The following FILIP1L variants were observed in gnomAD, a reference collection of about 807,000 sequenced individuals.
The protein encoded by FILIP1L is filamin A-interacting protein 1-like.
A neutral mutation model predicts 96.6 loss-of-function variants in FILIP1L; 55 were observed. The ratio of observed to expected loss-of-function variants is 0.57; its 90% CI spans 0.46 to 0.71. The LOEUF (loss-of-function observed/expected upper bound fraction) is 0.71. Among genes scored for constraint, FILIP1L ranks in the 30% least tolerant of loss-of-function variants. FILIP1L has a pLI of 0.00. For missense variants in FILIP1L, 1,304 were observed against 1,321.2 expected (o/e 0.99, Z 0.20); for synonymous variants, 467 against 473.9 (o/e 0.99, Z 0.19).
chr3:99,870,803 G>A (rs915187824), intron 4 of FILIP1L, among the ~76,000 whole-genome samples: 7 of 152,186 alleles, frequency 4.6e-5, no homozygotes, highest in Non-Finnish European at 8.8e-5. Flanking sequence ...GTACATGCTT[G>A]GGAAAAGGCA....
chr3:99,907,087 T>C (rs1294070594), intron 4 of FILIP1L, among the ~76,000 whole-genome samples: 1 of 152,208 alleles, frequency 6.6e-6, no homozygotes. Flanking sequence ...CTTACTGTTA[T>C]TTAGACTTCA....
At chr3:99,973,714 TCAAAAA>T (rs1391963435) in intron 1 of FILIP1L, among the ~76,000 whole-genome samples, 1 of 152,166 alleles carries the variant, frequency 6.6e-6, no homozygotes, top group African/African-American at 2.4e-5. Context: ...GGATCTGCAC[TCAAAAA>T]CCTATTTAAG....
chr3:99,876,125 CCGCGCTGCGAGCCGACTGTG>C, intron 4 of FILIP1L: 1 of 986,362 alleles, frequency 1.0e-6, no homozygotes, highest in Non-Finnish European at 1.2e-6. Context: ...CGCTGTAGTG[CCGCGCTGCGAGCCGACTGTG>C]CGCGCTCCGA....
At chr3:100,069,913 A>T (rs1216311976) in intron 1 of FILIP1L, among the ~76,000 whole-genome samples, 1 of 152,230 alleles carries the variant, frequency 6.6e-6, no homozygotes, top group African/African-American at 2.4e-5. Context: ...GAAACTTAAA[A>T]AAAGAAAATC....
intron 4 of FILIP1L, among the ~76,000 whole-genome samples, chr3:99,862,291 G>A (rs902269240): frequency 6.6e-6 from 1 of 152,182 alleles, no homozygotes; most frequent in African/African-American, 2.4e-5. Context: ...AGACAACACA[G>A]TGAGACAACG....
At chr3:100,032,450 A>T (rs1358054894) in intron 1 of FILIP1L, among the ~76,000 whole-genome samples, 1 of 152,200 alleles carries the variant, frequency 6.6e-6, no homozygotes, top group Non-Finnish European at 1.5e-5. Flanking sequence ...TTTATTCGGA[A>T]TGGCAGCTGG....
chr3:100,025,448 C>G (rs1017387485), intron 1 of FILIP1L: 2 of 152,078 alleles, frequency 1.3e-5, no homozygotes, highest in African/African-American at 2.4e-5. Flanking sequence ...CTTCCCCACC[C>G]ACTTTCAGAA....
intron 4 of FILIP1L, among the ~76,000 whole-genome samples, chr3:99,903,888 A>G (rs773509523): frequency 1.3e-5 from 2 of 152,314 alleles, no homozygotes; most frequent in Non-Finnish European, 2.9e-5. Context: ...GCTTCATTTA[A>G]TGGTACTCAT....
chr3:99,974,348 G>A (rs1040953146), intron 1 of FILIP1L, among the ~76,000 whole-genome samples: 1 of 152,172 alleles, frequency 6.6e-6, no homozygotes, highest in Non-Finnish European at 1.5e-5. Flanking sequence ...TGTAAGTTTA[G>A]TAAAGCCCAT....
At chr3:100,112,084 A>C (rs2066501107) in intron 1 of FILIP1L, among the ~76,000 whole-genome samples, 1 of 152,226 alleles carries the variant, frequency 6.6e-6, no homozygotes, top group Admixed American at 6.5e-5. Flanking sequence ...ACAAATGAGC[A>C]AACAAACTAA....
In FILIP1L at chr3:99,930,088, T is replaced by TGA. The variant is rs1707429626; in HGVS notation, c.253-61_253-60dup. On this transcript the variant is annotated intron_variant, in intron 2 of 5. Coordinates refer to ENST00000477258, the MANE Select transcript of FILIP1L (RefSeq NM_001387850.1). ...TGTCTCTACCAGCAGTCTCAGCAAG[T>TGA]GATTTTTGTGATAGTTGGCAGTGCT... 8 of 1,380,302 alleles carry TGA rather than the reference T, an allele frequency of 5.8e-6. No individual in the cohort carries two copies. The South Asian group carries it at 8.7e-5, about 15-fold the overall frequency. 85.5% of individuals were successfully genotyped at this position (1,380,302 alleles called of 1,614,324 possible). A position where few individuals can be genotyped will look rare whatever the true frequency, so the allele number is the denominator to read the frequency against.
intron 1 of FILIP1L, among the ~76,000 whole-genome samples, chr3:100,041,981 T>C (rs1465102813): frequency 6.6e-6 from 1 of 152,212 alleles, no homozygotes; most frequent in Non-Finnish European, 1.5e-5. Flanking sequence ...TTCCTTCCTC[T>C]TTCTTCAGCT....
At chr3:99,989,870 A>G (rs1428916485) in intron 1 of FILIP1L, among the ~76,000 whole-genome samples, 2 of 152,134 alleles carry the variant, frequency 1.3e-5, no homozygotes, top group Non-Finnish European at 2.9e-5. Flanking sequence ...TATGTAGTCA[A>G]TGTTAAGATT....
At chr3:100,027,722 A>G (rs139568959) in intron 1 of FILIP1L, among the ~76,000 whole-genome samples, 1 of 152,352 alleles carries the variant, frequency 6.6e-6, no homozygotes, top group African/African-American at 2.4e-5. Flanking sequence ...CTCTGAAGGT[A>G]GCACACATTT....
At chr3:100,051,270 C>T (rs2065367255) in intron 1 of FILIP1L, 1 of 151,842 alleles carries the variant, frequency 6.6e-6, no homozygotes, top group Admixed American at 6.6e-5. Flanking sequence ...TCAATATATG[C>T]TGTGCAATTA....
intron 1 of FILIP1L, among the ~76,000 whole-genome samples, chr3:100,052,302 C>T (rs1362885499): frequency 3.9e-5 from 6 of 152,202 alleles, no homozygotes; most frequent in Admixed American, 2.0e-4. Context: ...AAAACTAATG[C>T]AGAGCAATAA....
At chr3:100,030,858 G>A (rs892324937) in intron 1 of FILIP1L, among the ~76,000 whole-genome samples, 4 of 152,134 alleles carry the variant, frequency 2.6e-5, no homozygotes, top group Admixed American at 6.6e-5. Flanking sequence ...GGTTTTTAAA[G>A]TGCACTGTGG....
At chr3:99,937,812 A>G (rs149112284) in intron 1 of FILIP1L, among the ~76,000 whole-genome samples, 2 of 152,350 alleles carry the variant, frequency 1.3e-5, no homozygotes, top group African/African-American at 2.4e-5. Context: ...CTGAGAATCT[A>G]CTGAAGTAGC....
chr3:99,899,957 G>A (rs1274448453), intron 4 of FILIP1L, among the ~76,000 whole-genome samples: 2 of 152,146 alleles, frequency 1.3e-5, no homozygotes, highest in Non-Finnish European at 2.9e-5. Context: ...GCTAAATACG[G>A]TGTTCTGGTT....
Sources: allele counts gnomAD v4.1 joint callset (sites outside exome capture counted in the v4.1 genomes callset), GRCh38; gene constraint gnomAD v4.1.1; transcripts MANE v1.5; gene names NCBI Gene and HGNC (gene_info 2026-07-23, HGNC 2026-07-21).